The following TRAPPC3L variants were observed in gnomAD, a reference collection of about 807,000 sequenced individuals.
TRAPPC3L encodes trafficking protein particle complex subunit 3L, also known as trafficking protein particle complex subunit 3-like protein.
Under a neutral mutation model 23.7 loss-of-function variants are expected in TRAPPC3L, and 23 were observed. The observed-to-expected ratio is 0.97, with a 90% confidence interval of 0.70 to 1.37. TRAPPC3L has a LOEUF of 1.37. Ranked by LOEUF, TRAPPC3L falls within the 40% of genes most tolerant of loss-of-function variation. TRAPPC3L has a pLI of 0.00. For synonymous variants in TRAPPC3L, 81 were observed against 77.9 expected (o/e 1.04, Z -0.21); for missense variants, 212 against 216.8 (o/e 0.98, Z 0.14).
intron 3 of TRAPPC3L, among the ~76,000 whole-genome samples, chr6:116,509,984 A>G (rs1305559580): frequency 6.6e-6 from 1 of 152,202 alleles, no homozygotes; most frequent in Non-Finnish European, 1.5e-5. Context: ...CAGCAAGAAG[A>G]AAACAAATAA....
intron 3 of TRAPPC3L, 72 bp from the exon 4 acceptor site, chr6:116,500,738 C>G (rs560786513): frequency 3.0e-6 from 4 of 1,345,844 alleles, no homozygotes; most frequent in Non-Finnish European, 3.1e-6. Flanking sequence ...AAACAAATAC[C>G]CAGTTCTAGG....
At position 116,496,369 on chromosome 6, in the gene TRAPPC3L, A is replaced by G. The variant is rs1040856706; in HGVS notation, c.*585T>C. The G allele has an allele frequency of 6.6e-6, 1 of 152,222 alleles. No individual in the cohort carries two copies. Among genetic ancestry groups the G allele is most frequent in the African/African-American group, 2.4e-5 (1 of 41,466 alleles). The allele number at this position is 152,222 out of a possible 1,614,324, so 9.4% of individuals were successfully genotyped here. On this transcript the variant is annotated 3_prime_UTR_variant, in exon 5 of 5. Coordinates refer to ENST00000368602, the MANE Select transcript of TRAPPC3L (RefSeq NM_001139444.3). ...AATTAAAATTAAATGTTATTTATAA[A>G]TGTTTCAAAATTATCATTGAATAAA...
At chr6:116,505,561 G>A (rs1196530086) in intron 3 of TRAPPC3L, among the ~76,000 whole-genome samples, 2 of 152,122 alleles carry the variant, frequency 1.3e-5, no homozygotes, top group Non-Finnish European at 2.9e-5. Flanking sequence ...GCATTGCCAA[G>A]ACAATCCTAA....
intron 3 of TRAPPC3L, among the ~76,000 whole-genome samples, chr6:116,503,604 C>T (rs567368407): frequency 1.1e-4 from 16 of 152,082 alleles, no homozygotes; most frequent in East Asian, 1.9e-4. Context: ...CTTATTCTAA[C>T]ATTGACCACA....
At chr6:116,502,899 C>T (rs375051633) in intron 3 of TRAPPC3L, among the ~76,000 whole-genome samples, 32 of 152,254 alleles carry the variant, frequency 2.1e-4, no homozygotes, top group East Asian at 7.7e-4. Flanking sequence ...AAGGAACAAC[C>T]GATACCAGCC....
chr6:116,508,193 T>G (rs1204892147), intron 3 of TRAPPC3L, among the ~76,000 whole-genome samples: 1 of 152,224 alleles, frequency 6.6e-6, no homozygotes. Context: ...AACAGAAATT[T>G]CTTGAGCACT....
At chr6:116,516,122 G>GCAGTTTCCTTTGT in intron 3 of TRAPPC3L, 2 of 1,234,052 alleles carry the variant, frequency 1.6e-6, no homozygotes, top group East Asian at 2.5e-5. Context: ...ATAACACAAA[G>GCAGTTTCCTTTGT]GAAACTGCTT....
intron 3 of TRAPPC3L, chr6:116,520,752 T>C (rs950130108): frequency 1.3e-5 from 2 of 152,576 alleles, no homozygotes; most frequent in East Asian, 1.9e-4. Context: ...GGCTGTGAGG[T>C]TGAAATATTG....
chr6:116,534,407 G>A (rs558693009), intron 3 of TRAPPC3L, among the ~76,000 whole-genome samples: 4 of 152,026 alleles, frequency 2.6e-5, no homozygotes, highest in South Asian at 4.2e-4. Flanking sequence ...ATTTTCATTC[G>A]TCCTATAGAT....
intron 3 of TRAPPC3L, among the ~76,000 whole-genome samples, chr6:116,533,385 C>A (rs1772861088): frequency 6.6e-6 from 1 of 152,160 alleles, no homozygotes; most frequent in South Asian, 2.1e-4. Flanking sequence ...TGCTCTTCAG[C>A]CTATTTTGTG....
At chr6:116,511,801 T>C (rs1772125550) in intron 3 of TRAPPC3L, 1 of 1,614,116 alleles carries the variant, frequency 6.2e-7, no homozygotes, top group South Asian at 1.1e-5. Flanking sequence ...GTCTCTTTTC[T>C]GTTGTGGCTT....
chr6:116,502,695 G>A (rs1175113090), intron 3 of TRAPPC3L, among the ~76,000 whole-genome samples: 2 of 152,234 alleles, frequency 1.3e-5, no homozygotes, highest in African/African-American at 4.8e-5. Context: ...AACACTACAA[G>A]CCAGAAGAGA....
At position 116,516,706 on chromosome 6, in the gene TRAPPC3L, T is replaced by TAC. The variant is rs1458796354; in HGVS notation, c.241-16041_241-16040insGT. The TAC allele has an allele frequency of 8.5e-4, 104 of 123,030 alleles. 1 individual carries two copies. The highest frequency in any genetic ancestry group is 1.4e-3 in the Admixed American group (17 of 12,304). The allele number at this position is 123,030 out of a possible 1,614,324, so 7.6% of individuals were successfully genotyped here. ...ATATATATATATATATATATATATA[T>TAC]ATACACACACACAGAAATATATATT... On this transcript the variant is annotated intron_variant, in intron 3 of 4. Transcript: ENST00000368602.
At chr6:116,542,665 A>C (rs751375532) in intron 2 of TRAPPC3L, among the ~76,000 whole-genome samples, 1 of 152,140 alleles carries the variant, frequency 6.6e-6, no homozygotes, top group African/African-American at 2.4e-5. Flanking sequence ...GAATTTGTGC[A>C]GGAGGAATCT....
At chr6:116,532,632 CTG>C (rs764453317) in intron 3 of TRAPPC3L, among the ~76,000 whole-genome samples, 4 of 152,214 alleles carry the variant, frequency 2.6e-5, no homozygotes, top group South Asian at 2.1e-4. Context: ...CTTTGGGAAA[CTG>C]TATTACTTCC....
At chr6:116,527,588 A>C (rs546201496) in intron 3 of TRAPPC3L, among the ~76,000 whole-genome samples, 1 of 150,308 alleles carries the variant, frequency 6.7e-6, no homozygotes, top group Admixed American at 6.6e-5. Context: ...TTTTCTGTTG[A>C]TCTGTCTCAT....
chr6:116,545,202 A>G (rs1244229989), intron 1 of TRAPPC3L, among the ~76,000 whole-genome samples: 2 of 151,894 alleles, frequency 1.3e-5, no homozygotes, highest in African/African-American at 4.8e-5. Context: ...TAATATTTTC[A>G]TATTTTCTGT....
At chr6:116,523,315 T>C (rs1772379151) in intron 3 of TRAPPC3L, 1 of 152,224 alleles carries the variant, frequency 6.6e-6, no homozygotes, top group Non-Finnish European at 1.5e-5. Flanking sequence ...TTACTTCACA[T>C]AAGTTTTACA....
rs146924272 is a variant in TRAPPC3L, at chr6:116,537,657, C to T, written c.240+2706G>A. Among the ~76,000 whole-genome samples the T allele has an allele frequency of 3.1e-3, 467 of 152,184 alleles. 12 individuals carry two copies. The highest frequency in any genetic ancestry group is 0.022 in the Admixed American group (343 of 15,268). ...CATTGTAAGGTAAAGCGAGTAGTTC[C>T]TCATGGAAGGGACTCGAGGAGCCCT... On this transcript the variant is annotated intron_variant, in intron 3 of 4. Coordinates refer to ENST00000368602, the MANE Select transcript of TRAPPC3L (RefSeq NM_001139444.3).
Sources: gnomAD v4.1 joint callset for allele counts (sites outside exome capture counted in the v4.1 genomes callset) on GRCh38, gnomAD v4.1.1 for gene constraint, MANE v1.5 for transcripts, NCBI Gene and HGNC (gene_info 2026-07-23, HGNC 2026-07-21) for gene names.